Variants in LDB2 observed in about 807,000 individuals in gnomAD.
LDB2 encodes LIM domain-binding protein 2.
LDB2 carries 12 observed loss-of-function variants against 44.3 expected under a neutral mutation model. That is an observed-to-expected ratio of 0.27 (90% CI 0.17 to 0.44). LDB2 has a LOEUF of 0.44. Among genes scored for constraint, LDB2 ranks in the 20% least tolerant of loss-of-function variants. The probability of loss-of-function intolerance (pLI) is 1.00; values close to 1 mark genes in which losing one functional copy is unlikely to be tolerated. For synonymous variants in LDB2, 164 were observed against 174.8 expected, an observed-to-expected ratio of 0.94 and a Z score of 0.49; for missense variants, 344 against 473.5, an observed-to-expected ratio of 0.73 and a Z score of 2.54.
intron 1 of LDB2, among the ~76,000 whole-genome samples, chr4:16,763,001 A>G (rs998660418): frequency 2.0e-5 from 3 of 151,944 alleles, no homozygotes; most frequent in Non-Finnish European, 4.4e-5. Flanking sequence ...GCTTCAGTGG[A>G]ACATGGGATG....
At chr4:16,860,177 A>G (rs1712037550) in intron 1 of LDB2, among the ~76,000 whole-genome samples, 1 of 152,250 alleles carries the variant, frequency 6.6e-6, no homozygotes, top group Admixed American at 6.5e-5. Flanking sequence ...TTGGGTAGCC[A>G]GGGAAATAAT....
chr4:16,728,434 A>T (rs28623679), intron 2 of LDB2, among the ~76,000 whole-genome samples: 2,552 of 152,324 alleles, frequency 0.017, 61 homozygotes, highest in African/African-American at 0.058. Flanking sequence ...ATAATTAAAC[A>T]GTACAGTATA....
At chr4:16,835,116 G>T (rs1784688473) in intron 1 of LDB2, among the ~76,000 whole-genome samples, 1 of 152,164 alleles carries the variant, frequency 6.6e-6, no homozygotes, top group African/African-American at 2.4e-5. Context: ...TTACATTCAA[G>T]AATAGAGGCC....
At chr4:16,631,398 T>C (rs115102255) in intron 2 of LDB2, among the ~76,000 whole-genome samples, 13,219 of 152,064 alleles carry the variant, frequency 0.087, 641 homozygotes, top group African/African-American at 0.1. Context: ...AGAACAAAGA[T>C]ACAACGCACC....
chr4:16,697,207 G>A (rs1752326828), intron 2 of LDB2, among the ~76,000 whole-genome samples: 1 of 151,454 alleles, frequency 6.6e-6, no homozygotes, highest in Non-Finnish European at 1.5e-5. Flanking sequence ...GGCGGATCAC[G>A]AGATCAGGAG....
intron 1 of LDB2, among the ~76,000 whole-genome samples, chr4:16,841,810 C>CA (rs1262035970): frequency 6.6e-6 from 1 of 152,166 alleles, no homozygotes; most frequent in Non-Finnish European, 1.5e-5. Flanking sequence ...TCATAGGGTC[C>CA]AACCTACCAT....
intron 5 of LDB2, among the ~76,000 whole-genome samples, chr4:16,522,445 A>G (rs1004141440): frequency 1.3e-5 from 2 of 152,236 alleles, no homozygotes; most frequent in Admixed American, 1.3e-4. Flanking sequence ...TTCCTAAACA[A>G]TGCAGTATAA....
At chr4:16,558,404 G>C (rs911848108) in intron 5 of LDB2, among the ~76,000 whole-genome samples, 6 of 152,220 alleles carry the variant, frequency 3.9e-5, no homozygotes, top group African/African-American at 1.4e-4. Context: ...CGGGAACTAC[G>C]TGAAGAATGC....
chr4:16,708,714 G>T (rs549868711), intron 2 of LDB2, among the ~76,000 whole-genome samples: 187 of 151,872 alleles, frequency 1.2e-3, no homozygotes, highest in African/African-American at 4.2e-3. Context: ...ATGATATAGT[G>T]GATAGACATA....
chr4:16,880,638 G>T (rs544628576), intron 1 of LDB2, among the ~76,000 whole-genome samples: 4 of 151,982 alleles, frequency 2.6e-5, no homozygotes, highest in Non-Finnish European at 5.9e-5. Flanking sequence ...TCTGCCCTTG[G>T]CCCTGTGTCC....
rs371595166 is a variant in LDB2 at position 16,545,165 on chromosome 4, CTCCT to C, written c.616-33065_616-33062del. The stretch of plus-strand genomic sequence containing the variant: ...CCCTCTCTCCCTCCCTGCTTCCTTC[CTCCT>C]TACTTCCCTCCCTCCCTCTTTTCTT... On this transcript the variant is annotated intron_variant, in intron 5 of 7. Transcript: ENST00000304523. 6.9e-4 allele frequency among the ~76,000 whole-genome samples: 105 copies of C among 151,938 alleles called. 1 individual carries two copies. Among genetic ancestry groups the C allele is most frequent in the African/African-American group, 2.3e-3 (97 of 41,422 alleles).
intron 2 of LDB2, among the ~76,000 whole-genome samples, chr4:16,639,210 T>G (rs1578395535): frequency 1.3e-5 from 2 of 152,348 alleles, no homozygotes; most frequent in African/African-American, 4.8e-5. Flanking sequence ...TCTGATGTTG[T>G]CTGGGAGAAA....
Position 16,668,153 on chromosome 4 carries a change from A to AAT in LDB2, c.236-72280_236-72279dup, listed in dbSNP as rs3076987. ...TAAATTTTTAATCAGATATACGATA[A>AAT]ATATATATATATATATACATGTACT... On this transcript the variant is annotated intron_variant, in intron 2 of 7. Coordinates refer to ENST00000304523, the MANE Select transcript of LDB2 (RefSeq NM_001290.5). Among the ~76,000 whole-genome samples, 885 of 150,496 alleles carry AAT rather than the reference A, an allele frequency of 5.9e-3. 8 individuals carry two copies. Among genetic ancestry groups the AAT allele is most frequent in the African/African-American group, 0.017 (707 of 41,066 alleles).
At chr4:16,892,972 G>T in intron 1 of LDB2, 1 of 343,624 alleles carries the variant, frequency 2.9e-6, no homozygotes, top group Non-Finnish European at 4.1e-6. Flanking sequence ...CCTATGAATA[G>T]TTAGTTTGCA....
At chr4:16,833,823 G>A (rs897160641) in intron 1 of LDB2, among the ~76,000 whole-genome samples, 3 of 152,160 alleles carry the variant, frequency 2.0e-5, no homozygotes, top group South Asian at 2.1e-4. Context: ...TTACAGGCAT[G>A]AGCCACCACA....
At chr4:16,798,035 GA>G (rs371276215) in intron 1 of LDB2, among the ~76,000 whole-genome samples, 3,842 of 71,910 alleles carry the variant, frequency 0.053, 137 homozygotes, top group African/African-American at 0.15. Flanking sequence ...ACTCTGTCTC[GA>G]AAAAAAAAAA....
At chr4:16,880,780 T>C (rs1353001053) in intron 1 of LDB2, among the ~76,000 whole-genome samples, 1 of 151,740 alleles carries the variant, frequency 6.6e-6, no homozygotes, top group Non-Finnish European at 1.5e-5. Context: ...GGCGGGTGCC[T>C]GTAGTCCCAG....
chr4:16,854,504 T>C (rs1278312305), intron 1 of LDB2, among the ~76,000 whole-genome samples: 15 of 145,214 alleles, frequency 1.0e-4, no homozygotes, highest in Non-Finnish European at 1.7e-4. Flanking sequence ...TAAATATAAA[T>C]ACACACACAC....
At chr4:16,795,727 GA>G (rs1199133938) in intron 1 of LDB2, among the ~76,000 whole-genome samples, 1 of 152,138 alleles carries the variant, frequency 6.6e-6, no homozygotes, top group Non-Finnish European at 1.5e-5. Flanking sequence ...AATCCCTTGA[GA>G]ATGAGGACTC....
Sources: allele counts gnomAD v4.1 joint callset (sites outside exome capture counted in the v4.1 genomes callset), GRCh38; gene constraint gnomAD v4.1.1; transcripts MANE v1.5; gene names NCBI Gene and HGNC (gene_info 2026-07-23, HGNC 2026-07-21).